PLA2R1: variants seen among roughly 807,000 people sequenced by gnomAD.
PLA2R1 encodes the protein phospholipase A2 receptor 1.
PLA2R1 carries 158 observed loss-of-function variants against 195.9 expected under a neutral mutation model. The ratio of observed to expected loss-of-function variants is 0.81; its 90% CI spans 0.71 to 0.92. The LOEUF (loss-of-function observed/expected upper bound fraction) is 0.92. Among genes scored for constraint, PLA2R1 ranks in the 40% least tolerant of loss-of-function variants. PLA2R1 has a pLI of 0.00. For synonymous variants in PLA2R1, 586 were observed against 598.2 expected (o/e 0.98, Z 0.30); for missense variants, 1,626 against 1,764.6 (o/e 0.92, Z 1.41).
At chr2:160,041,599 A>T (rs1694523965) in intron 3 of PLA2R1, among the ~76,000 whole-genome samples, 1 of 151,298 alleles carries the variant, frequency 6.6e-6, no homozygotes, top group African/African-American at 2.4e-5. Context: ...CCTGGGCTTG[A>T]CAATGGGCGA....
chr2:159,993,453 T>TACACACACACAC (rs3063677), intron 11 of PLA2R1, among the ~76,000 whole-genome samples: 14,967 of 148,176 alleles, frequency 0.1, 927 homozygotes, highest in East Asian at 0.21. Context: ...GTGTTTAATT[T>TACACACACACAC]ACACACACAC....
intron 1 of PLA2R1, among the ~76,000 whole-genome samples, chr2:160,060,550 C>A (rs986918252): frequency 3.9e-5 from 6 of 152,210 alleles, no homozygotes; most frequent in African/African-American, 1.2e-4. Flanking sequence ...GCAGCATTTT[C>A]ATATCTGAAG....
At chr2:159,993,453 T>TACACACACACACACACAC (rs3063677) in intron 11 of PLA2R1, among the ~76,000 whole-genome samples, 149 of 148,316 alleles carry the variant, frequency 1.0e-3, no homozygotes, top group Middle Eastern at 3.4e-3. Flanking sequence ...GTGTTTAATT[T>TACACACACACACACACAC]ACACACACAC....
rs1240328224 is a variant in PLA2R1, at chr2:159,936,278, G to A, written c.*5500C>T. ...TAAAATTATTTTTTAAGAAGTCCCT[G>A]TGAACATAGGCTCTAAGTATTACAC... On this transcript the variant is annotated 3_prime_UTR_variant, in exon 30 of 30. Transcript: ENST00000283243. 1.3e-5 allele frequency: 2 copies of A among 152,104 alleles called. No individual in the cohort carries two copies. The highest frequency in any genetic ancestry group is 3.9e-4 in the East Asian group (2 of 5,190). The allele number at this position is 152,104 out of a possible 1,614,324, so 9.4% of individuals were successfully genotyped here.
chr2:160,013,145 T>C (rs568739066), intron 10 of PLA2R1, 118 bp downstream of exon 10: 18 of 455,868 alleles, frequency 3.9e-5, no homozygotes, highest in East Asian at 2.4e-4. Flanking sequence ...AATAATTTAG[T>C]ACTTTGATGT....
the PLA2R1 span, among the ~76,000 whole-genome samples, chr2:159,926,882 G>C: frequency 2.0e-5 from 3 of 152,180 alleles, no homozygotes; most frequent in Non-Finnish European, 4.4e-5. Context: ...AGAGGAGCAG[G>C]TGACCAGCAC....
At chr2:159,979,350 A>G (rs1689791203) in intron 14 of PLA2R1, among the ~76,000 whole-genome samples, 1 of 152,170 alleles carries the variant, frequency 6.6e-6, no homozygotes, top group African/African-American at 2.4e-5. Flanking sequence ...TCCTTCTGGA[A>G]TAACTTGCTC....
chr2:160,051,303 G>C (rs1241641588), intron 1 of PLA2R1, among the ~76,000 whole-genome samples: 1 of 152,218 alleles, frequency 6.6e-6, no homozygotes, highest in Non-Finnish European at 1.5e-5. Context: ...CAGCATGCAG[G>C]CTGCAACCCA....
chr2:160,045,125 G>A lies in PLA2R1; in HGVS notation c.142C>T (p.Leu48Phe), dbSNP rs1694778818. 2 of 1,606,114 alleles carry A rather than the reference G, an allele frequency of 1.2e-6. No individual in the cohort carries two copies. The highest frequency in any genetic ancestry group is 1.7e-6 in the Non-Finnish European group (2 of 1,173,688). ...KGIFVIQSES[L>F]KKCIQAGKSV... ...TTACCTGCTTGAATGCATTTCTTGA[G>A]ACTCTCACTTTGGATAACAAATATT... The change falls in exon 2 of 30, where the codon CTC (leucine) becomes TTC (phenylalanine). Residue 48 changes from leucine (L) to phenylalanine (F), a missense_variant. Transcript: ENST00000283243.
chr2:159,953,630 T>C (rs778929644), intron 23 of PLA2R1, among the ~76,000 whole-genome samples: 2 of 152,204 alleles, frequency 1.3e-5, no homozygotes, highest in African/African-American at 4.8e-5. Flanking sequence ...TGGGAACCCA[T>C]GTGTGGTAGG....
chr2:160,045,179 T>G, intron 1 of PLA2R1, 22 bp from the exon 2 acceptor site: 1 of 1,564,994 alleles, frequency 6.4e-7, no homozygotes. Flanking sequence ...ATCAAAGATG[T>G]GGCATGAAAT....
intron 11 of PLA2R1, among the ~76,000 whole-genome samples, chr2:159,996,508 T>C (rs902043354): frequency 5.9e-5 from 9 of 152,118 alleles, no homozygotes; most frequent in Non-Finnish European, 1.2e-4. Flanking sequence ...GGATACAATA[T>C]GTCTACGTGT....
intron 22 of PLA2R1, 109 bp downstream of exon 22, chr2:159,955,589 T>A (rs544715782): frequency 1.8e-4 from 77 of 439,168 alleles, no homozygotes; most frequent in African/African-American, 1.5e-3. Context: ...AAAAAACTAA[T>A]ATAAATTTAT....
rs1686715857 is a variant in PLA2R1, at chr2:159,934,392, G to A, written c.*7386C>T. ...CTGGCTCCTAATCCTACAGCGGATG[G>A]TGTGTTAGGTAAGTTGGAGACACAC... On this transcript the variant is annotated 3_prime_UTR_variant, in exon 30 of 30. Coordinates refer to ENST00000283243, the MANE Select transcript of PLA2R1 (RefSeq NM_007366.5). The A allele has an allele frequency of 1.3e-5, 2 of 152,218 alleles. No individual in the cohort carries two copies. The highest frequency in any genetic ancestry group is 2.9e-5 in the Non-Finnish European group (2 of 68,046). 9.4% of individuals were successfully genotyped at this position (152,218 alleles called of 1,614,324 possible).
intron 13 of PLA2R1, among the ~76,000 whole-genome samples, chr2:159,983,053 G>T (rs1690069698): frequency 6.6e-6 from 1 of 152,102 alleles, no homozygotes; most frequent in Non-Finnish European, 1.5e-5. Flanking sequence ...ACTCGGGGGT[G>T]GGGGGCTCAC....
intron 14 of PLA2R1, 143 bp from the exon 15 acceptor site, chr2:159,977,559 T>C: frequency 3.4e-6 from 2 of 592,886 alleles, no homozygotes; most frequent in South Asian, 3.1e-5. Context: ...TAGTTGAAGG[T>C]TGTTTCACAT....
chr2:159,961,361 T>C (rs1688425629), intron 20 of PLA2R1, among the ~76,000 whole-genome samples: 1 of 152,080 alleles, frequency 6.6e-6, no homozygotes. Context: ...GCTGGGTAAA[T>C]ATTGGCCACA....
the PLA2R1 span, among the ~76,000 whole-genome samples, chr2:159,925,566 A>AG: frequency 6.6e-6 from 1 of 151,646 alleles, no homozygotes; most frequent in Non-Finnish European, 1.5e-5. Flanking sequence ...CAAAGCAAAA[A>AG]AAAAAAAAAA....
intron 10 of PLA2R1, among the ~76,000 whole-genome samples, chr2:160,010,003 G>T (rs929437750): frequency 3.3e-5 from 5 of 152,060 alleles, no homozygotes; most frequent in Admixed American, 3.3e-4. Flanking sequence ...CCAACTACTT[G>T]GGGGGCTGAG....
Sources: allele counts gnomAD v4.1 joint callset (sites outside exome capture counted in the v4.1 genomes callset), GRCh38; gene constraint gnomAD v4.1.1; transcripts MANE v1.5; gene names NCBI Gene and HGNC (gene_info 2026-07-23, HGNC 2026-07-21).